R3HCC1L: variants seen among roughly 807,000 people sequenced by gnomAD.
R3HCC1L encodes coiled-coil domain-containing protein R3HCC1L.
R3HCC1L carries 51 observed loss-of-function variants against 59.9 expected under a neutral mutation model. The ratio of observed to expected loss-of-function variants is 0.85; its 90% CI spans 0.68 to 1.07. The LOEUF is 1.07. R3HCC1L is among the 50% of genes least tolerant of loss of function. The probability of loss-of-function intolerance (pLI) is 0.00; values close to 1 mark genes in which losing one functional copy is unlikely to be tolerated. For missense variants in R3HCC1L, 965 were observed against 933.0 expected (o/e 1.03, Z -0.45); for synonymous variants, 322 against 315.2 (o/e 1.02, Z -0.23).
At chr10:98,233,302 A>G (rs555463962) in intron 6 of R3HCC1L, among the ~76,000 whole-genome samples, 1 of 152,352 alleles carries the variant, frequency 6.6e-6, no homozygotes, top group South Asian at 2.1e-4. Flanking sequence ...CAAATTCAAA[A>G]ACATTCCCCA....
At chr10:98,193,395 C>A (rs1454968381) in intron 4 of R3HCC1L, among the ~76,000 whole-genome samples, 2 of 151,972 alleles carry the variant, frequency 1.3e-5, no homozygotes, top group East Asian at 3.9e-4. Context: ...ATAAAAAAAA[C>A]TGTAAGAACT....
At chr10:98,201,842 G>A (rs747830831) in intron 4 of R3HCC1L, among the ~76,000 whole-genome samples, 1 of 151,130 alleles carries the variant, frequency 6.6e-6, no homozygotes, top group South Asian at 2.1e-4. Context: ...TTTTTTGGAT[G>A]GATATTTTCT....
At chr10:98,204,163 C>T (rs1169617663) in intron 4 of R3HCC1L, among the ~76,000 whole-genome samples, 16 of 152,158 alleles carry the variant, frequency 1.1e-4, no homozygotes, top group Admixed American at 1.0e-3. Context: ...AATCCCAGCA[C>T]TTTGGGAGGC....
At chr10:98,153,420 G>A (rs188861681) in intron 1 of R3HCC1L, among the ~76,000 whole-genome samples, 2 of 152,080 alleles carry the variant, frequency 1.3e-5, no homozygotes, top group Non-Finnish European at 2.9e-5. Context: ...CAGCAGACTC[G>A]TTAAAGAGTC....
rs1344934384 is a variant in R3HCC1L, at chr10:98,187,802, T to A, written c.-14-20299T>A. ...TCCAGGATGGAGTGCATTGGTCTGG[T>A]CTTAGTTCACTGTAACCTCAAACTC... is the stretch of plus-strand genomic sequence containing the variant. On this transcript the variant is annotated intron_variant, in intron 4 of 9. Transcript: ENST00000298999. 2.7e-5 allele frequency among the ~76,000 whole-genome samples: 4 copies of A among 150,022 alleles called. No homozygotes were observed. The East Asian group carries it at 7.8e-4, about 29-fold the overall frequency.
At chr10:98,235,644 G>GT in intron 8 of R3HCC1L, 124 bp downstream of exon 8, 1 of 788,382 alleles carries the variant, frequency 1.3e-6, no homozygotes. Context: ...AAAGAAATAT[G>GT]TTTTTAAGAA....
At chr10:98,225,475 CA>C (rs963146106) in intron 5 of R3HCC1L, among the ~76,000 whole-genome samples, 182 of 150,802 alleles carry the variant, frequency 1.2e-3, no homozygotes, top group African/African-American at 4.0e-3. Context: ...CCTATCTCCA[CA>C]AAAAAAAATG....
At chr10:98,216,007 C>T (rs1034223841) in intron 5 of R3HCC1L, among the ~76,000 whole-genome samples, 3 of 152,120 alleles carry the variant, frequency 2.0e-5, no homozygotes, top group African/African-American at 4.8e-5. Context: ...GTTGTGAGAA[C>T]AGCTTGTGAA....
Position 98,209,875 on chromosome 10 carries a change from C to T in R3HCC1L, c.1761C>T (p.Cys587=), listed in dbSNP as rs1416242850. The change falls in exon 5 of 10, where the codon TGC becomes TGT. Residue 587 remains cysteine (C), a synonymous_variant. Transcript: ENST00000298999. ...WESMFNDDGD[C]LDPRLLQELS... is the part of the protein sequence containing the mutation. ...CTATGTTTAACGATGATGGTGACTGCCTGGATCCACGTCTTCTACAAGAGG... is the reference window on the plus strand; with the variant it reads ...CTATGTTTAACGATGATGGTGACTGTCTGGATCCACGTCTTCTACAAGAGG... The T allele has an allele frequency of 7.4e-6, 12 of 1,612,152 alleles. No individual in the cohort carries two copies. The highest frequency in any genetic ancestry group is 3.3e-4 in the Middle Eastern group (2 of 6,054).
chr10:98,202,940 T>C (rs1852214342), intron 4 of R3HCC1L, among the ~76,000 whole-genome samples: 1 of 151,252 alleles, frequency 6.6e-6, no homozygotes, highest in South Asian at 2.1e-4. Context: ...ACTGTGGAGG[T>C]GTTCTAGAAT....
intron 1 of R3HCC1L, among the ~76,000 whole-genome samples, chr10:98,153,803 CAAA>C (rs10708491): frequency 3.6e-4 from 49 of 135,068 alleles, no homozygotes; most frequent in Admixed American, 3.6e-4. Context: ...TGTTTTACAT[CAAA>C]AAAAAAAAAA....
Position 98,156,399 on chromosome 10 carries a change from C to G in R3HCC1L, c.-213+252C>G, listed in dbSNP as rs565115221. Among the ~76,000 whole-genome samples the G allele has an allele frequency of 3.0e-4, 45 of 152,274 alleles. No individual in the cohort carries two copies. The Middle Eastern group carries it at 0.031, about 104-fold the overall frequency. On this transcript the variant is annotated intron_variant, in intron 2 of 9. Coordinates refer to ENST00000298999, the MANE Select transcript of R3HCC1L (RefSeq NM_001351015.2). ...GCCTTCTGCTGCTGGTGCACAGTTACCATCCTAGAGTCCCATTCGCTGGTA... is the reference window on the plus strand; with the variant it reads ...GCCTTCTGCTGCTGGTGCACAGTTAGCATCCTAGAGTCCCATTCGCTGGTA...
At chr10:98,201,817 A>G (rs989514860) in intron 4 of R3HCC1L, among the ~76,000 whole-genome samples, 8 of 152,098 alleles carry the variant, frequency 5.3e-5, no homozygotes, top group African/African-American at 1.9e-4. Context: ...TTGATTTTGC[A>G]AAAGTTAGGA....
Position 98,244,223 on chromosome 10 carries a change from T to A in R3HCC1L, c.*65T>A. On this transcript the variant is annotated 3_prime_UTR_variant, in exon 10 of 10. Transcript: ENST00000298999. ...ATGTTTCCATAGCCTTCAGATAAGA[T>A]GATCCTTCCAGAGCTCTATGTACAT... is the stretch of plus-strand genomic sequence containing the variant. The A allele has an allele frequency of 2.0e-6, 3 of 1,481,466 alleles. No homozygotes were observed. The highest frequency in any genetic ancestry group is 2.8e-6 in the Non-Finnish European group (3 of 1,061,824). 91.8% of individuals were successfully genotyped at this position (1,481,466 alleles called of 1,614,324 possible). A position where few individuals can be genotyped will look rare whatever the true frequency, so the allele number is the denominator to read the frequency against.
At chr10:98,218,496 T>C (rs1288400769) in intron 5 of R3HCC1L, among the ~76,000 whole-genome samples, 2 of 152,228 alleles carry the variant, frequency 1.3e-5, no homozygotes, top group South Asian at 2.1e-4. Flanking sequence ...AAAAAAACTT[T>C]TGTTTCATTG....
At chr10:98,173,535 A>G (rs1222033579) in intron 4 of R3HCC1L, among the ~76,000 whole-genome samples, 1 of 152,134 alleles carries the variant, frequency 6.6e-6, no homozygotes, top group East Asian at 1.9e-4. Flanking sequence ...GACATTCATA[A>G]TCTCAGTAGG....
At chr10:98,171,072 C>T (rs1031112728) in intron 4 of R3HCC1L, among the ~76,000 whole-genome samples, 4 of 152,188 alleles carry the variant, frequency 2.6e-5, no homozygotes, top group Non-Finnish European at 4.4e-5. Flanking sequence ...TAGGCATGCA[C>T]ACAACACTTA....
chr10:98,219,681 G>A (rs1368461398), intron 5 of R3HCC1L, among the ~76,000 whole-genome samples: 1 of 152,126 alleles, frequency 6.6e-6, no homozygotes. Flanking sequence ...AGCATTTCTT[G>A]TAGGTCCAGT....
chr10:98,211,714 G>A (rs1045809846), intron 5 of R3HCC1L, among the ~76,000 whole-genome samples: 17 of 152,094 alleles, frequency 1.1e-4, no homozygotes, highest in African/African-American at 4.1e-4. Flanking sequence ...GCGTTGATAG[G>A]GCAGAGTTGG....
Sources: gnomAD v4.1 joint callset for allele counts (sites outside exome capture counted in the v4.1 genomes callset) on GRCh38, gnomAD v4.1.1 for gene constraint, MANE v1.5 for transcripts, NCBI Gene and HGNC (gene_info 2026-07-23, HGNC 2026-07-21) for gene names.